Variants in C12orf42 observed in about 807,000 individuals in gnomAD.
C12orf42 encodes uncharacterized protein C12orf42.
C12orf42 carries 25 observed loss-of-function variants against 21.6 expected under a neutral mutation model. That is an observed-to-expected ratio of 1.16 (90% CI 0.84 to 1.62). The LOEUF is 1.62. C12orf42 is among the 40% of genes most tolerant of loss of function. The probability of loss-of-function intolerance (pLI) is 0.00; values close to 1 mark genes in which losing one functional copy is unlikely to be tolerated. For missense variants in C12orf42, 483 were observed against 459.3 expected (o/e 1.05, Z -0.47); for synonymous variants, 174 against 175.0 (o/e 0.99, Z 0.05).
chr12:103,127,919 G>T, the C12orf42 span, among the ~76,000 whole-genome samples: 4 of 152,158 alleles, frequency 2.6e-5, no homozygotes, highest in Non-Finnish European at 5.9e-5. Context: ...CAGAATCAGA[G>T]AAGTTAATAT....
chr12:103,362,206 C>G (rs556794192), intron 4 of C12orf42, among the ~76,000 whole-genome samples: 19 of 152,260 alleles, frequency 1.2e-4, no homozygotes, highest in African/African-American at 4.3e-4. Flanking sequence ...ACCCTTATTA[C>G]CAGCCTGGAG....
intron 4 of C12orf42, among the ~76,000 whole-genome samples, chr12:103,322,075 G>A (rs2040191994): frequency 6.6e-6 from 1 of 151,840 alleles, no homozygotes; most frequent in South Asian, 2.1e-4. Context: ...TAGTAATTAT[G>A]TTTTATTCTG....
At chr12:103,385,448 C>T (rs1451467853) in intron 3 of C12orf42, among the ~76,000 whole-genome samples, 2 of 152,138 alleles carry the variant, frequency 1.3e-5, no homozygotes, top group African/African-American at 2.4e-5. Context: ...AATAATTATA[C>T]TTATGATGAG....
chr12:103,145,785 G>A, the C12orf42 span, among the ~76,000 whole-genome samples: 2 of 152,076 alleles, frequency 1.3e-5, no homozygotes, highest in Admixed American at 1.3e-4. Context: ...GAAATACTTT[G>A]CAATCATTGA....
the C12orf42 span, among the ~76,000 whole-genome samples, chr12:103,227,414 A>G: frequency 6.6e-6 from 1 of 151,498 alleles, no homozygotes; most frequent in Non-Finnish European, 1.5e-5. Context: ...GTGTGGAAAT[A>G]AGGGATTGGG....
chr12:103,501,601 T>C, the C12orf42 span, among the ~76,000 whole-genome samples: 1 of 152,222 alleles, frequency 6.6e-6, no homozygotes. Flanking sequence ...CTGTTCTTGC[T>C]CAAAGATAAA....
intron 10 of C12orf42, among the ~76,000 whole-genome samples, chr12:103,257,346 T>C (rs2034664037): frequency 6.6e-6 from 1 of 152,052 alleles, no homozygotes; most frequent in Non-Finnish European, 1.5e-5. Flanking sequence ...CATATACCCC[T>C]GAATATAAAA....
Position 103,483,135 on chromosome 12 carries a change from C to T in C12orf42, c.-21-4688G>A, listed in dbSNP as rs1040703264. On this transcript the variant is annotated intron_variant, in intron 1 of 5. Coordinates refer to ENST00000548883, the MANE Select transcript of C12orf42 (RefSeq NM_198521.5). ...TGCTTGTGGGTATTGTGATTTTGGA[C>T]AGTGAGCTTCTCATTTTAGTTTGAA... Among the ~76,000 whole-genome samples the T allele has an allele frequency of 2.0e-5, 3 of 152,086 alleles. No individual in the cohort carries two copies. The South Asian group carries it at 6.2e-4, about 31-fold the overall frequency.
the C12orf42 span, among the ~76,000 whole-genome samples, chr12:103,561,997 G>A: frequency 2.6e-5 from 4 of 152,188 alleles, no homozygotes; most frequent in Non-Finnish European, 5.9e-5. Flanking sequence ...GAAGTCCAAG[G>A]CAGGTCAGTA....
At chr12:103,303,803 T>C (rs1345086330) in intron 5 of C12orf42, among the ~76,000 whole-genome samples, 1 of 152,196 alleles carries the variant, frequency 6.6e-6, no homozygotes, top group East Asian at 1.9e-4. Flanking sequence ...AATGGCATTT[T>C]AATATCTCCA....
intron 4 of C12orf42, among the ~76,000 whole-genome samples, chr12:103,290,119 C>T (rs568120576): frequency 2.0e-5 from 3 of 152,198 alleles, no homozygotes; most frequent in South Asian, 4.1e-4. Flanking sequence ...AAACAATATG[C>T]ATATCAGCAT....
intron 10 of C12orf42, among the ~76,000 whole-genome samples, chr12:103,238,168 G>T (rs760975723): frequency 6.6e-6 from 1 of 151,978 alleles, no homozygotes; most frequent in Non-Finnish European, 1.5e-5. Flanking sequence ...AGGGACATGG[G>T]ACAAACATGG....
intron 2 of C12orf42, among the ~76,000 whole-genome samples, chr12:103,461,748 T>C (rs1952716871): frequency 6.6e-6 from 1 of 152,204 alleles, no homozygotes; most frequent in Non-Finnish European, 1.5e-5. Context: ...AATGACTTAG[T>C]GCACATCAAG....
At chr12:103,423,767 T>G (rs185053456) in intron 2 of C12orf42, among the ~76,000 whole-genome samples, 1 of 152,210 alleles carries the variant, frequency 6.6e-6, no homozygotes, top group Non-Finnish European at 1.5e-5. Context: ...TGCATGCCTC[T>G]AGTTAAAATT....
chr12:103,359,811 T>A (rs990733324), intron 4 of C12orf42, among the ~76,000 whole-genome samples: 3 of 152,014 alleles, frequency 2.0e-5, no homozygotes, highest in African/African-American at 7.2e-5. Context: ...CTCACTTCTG[T>A]GTCTCCAGAA....
chr12:103,066,408 C>T, the C12orf42 span, among the ~76,000 whole-genome samples: 2 of 152,168 alleles, frequency 1.3e-5, no homozygotes, highest in African/African-American at 2.4e-5. Context: ...TTATCTCCCC[C>T]ATCCTGCACC....
At chr12:103,387,027 T>A (rs1295155514) in intron 3 of C12orf42, among the ~76,000 whole-genome samples, 1 of 152,158 alleles carries the variant, frequency 6.6e-6, no homozygotes, top group African/African-American at 2.4e-5. Context: ...CTGAACAGGA[T>A]CTGGAACCGC....
intron 2 of C12orf42, among the ~76,000 whole-genome samples, chr12:103,413,066 G>A (rs915880327): frequency 2.0e-5 from 3 of 152,128 alleles, no homozygotes; most frequent in Non-Finnish European, 1.5e-5. Flanking sequence ...TTCCTAAGTT[G>A]TCTTCTGGAT....
chr12:103,264,022 C>T (rs537590058), downstream of C12orf42, among the ~76,000 whole-genome samples: 38 of 152,272 alleles, frequency 2.5e-4, no homozygotes, highest in Middle Eastern at 3.4e-3. Flanking sequence ...CTGTTTTTTA[C>T]CATGACTTAC....
Sources: gnomAD v4.1 joint callset for allele counts (sites outside exome capture counted in the v4.1 genomes callset) on GRCh38, gnomAD v4.1.1 for gene constraint, MANE v1.5 for transcripts, NCBI Gene and HGNC (gene_info 2026-07-23, HGNC 2026-07-21) for gene names.